Variants in MAN1A1 observed in about 807,000 individuals in gnomAD.
MAN1A1 encodes mannosidase alpha class 1A member 1, also known as mannosyl-oligosaccharide 1,2-alpha-mannosidase IA.
Under a neutral mutation model 70.8 loss-of-function variants are expected in MAN1A1, and 29 were observed. The ratio of observed to expected loss-of-function variants is 0.41; its 90% CI spans 0.31 to 0.56. The LOEUF is 0.56. Among genes scored for constraint, MAN1A1 ranks in the 20% least tolerant of loss-of-function variants. The pLI is 0.29. For missense variants in MAN1A1, 747 were observed against 841.3 expected (o/e 0.89, Z 1.39); for synonymous variants, 349 against 330.1 (o/e 1.06, Z -0.62).
chr6:119,277,332 A>G (rs1227788976), intron 5 of MAN1A1, among the ~76,000 whole-genome samples: 1 of 152,224 alleles, frequency 6.6e-6, no homozygotes, highest in Non-Finnish European at 1.5e-5. Context: ...AATGTTTTAA[A>G]GAAAAAAACT....
At chr6:119,309,731 A>G (rs1772649611) in intron 2 of MAN1A1, among the ~76,000 whole-genome samples, 1 of 152,242 alleles carries the variant, frequency 6.6e-6, no homozygotes, top group African/African-American at 2.4e-5. Context: ...TAGAGCTGAC[A>G]CGCTGTGTGA....
At chr6:119,184,212 T>C (rs768029932) in intron 11 of MAN1A1, among the ~76,000 whole-genome samples, 8 of 152,128 alleles carry the variant, frequency 5.3e-5, no homozygotes, top group South Asian at 2.1e-4. Flanking sequence ...CATTGTACTA[T>C]AATCTGTTCT....
At chr6:119,314,679 A>C (rs1772803805) in intron 2 of MAN1A1, among the ~76,000 whole-genome samples, 1 of 152,094 alleles carries the variant, frequency 6.6e-6, no homozygotes, top group African/African-American at 2.4e-5. Flanking sequence ...CATGCACAGA[A>C]GGCAGCTCTA....
At chr6:119,319,365 T>A (rs1582800105) in intron 2 of MAN1A1, among the ~76,000 whole-genome samples, 1 of 109,992 alleles carries the variant, frequency 9.1e-6, no homozygotes, top group Admixed American at 8.6e-5. Flanking sequence ...GTAAAAATAA[T>A]AATAATAATA....
At chr6:119,201,087 G>T (rs3822996) in intron 8 of MAN1A1, among the ~76,000 whole-genome samples, 167 bp downstream of exon 8, 132,265 of 152,232 alleles carry the variant, frequency 0.87, 57,775 homozygotes, top group South Asian at 0.89. Flanking sequence ...ACAATCCAGT[G>T]TCCTAATAAC....
chr6:119,326,298 G>A (rs1184100866), intron 2 of MAN1A1, among the ~76,000 whole-genome samples: 11 of 152,176 alleles, frequency 7.2e-5, no homozygotes, highest in East Asian at 1.9e-4. Context: ...CTCACTGTCC[G>A]TCTGCAAAGA....
At chr6:119,321,747 A>G (rs973256396) in intron 2 of MAN1A1, among the ~76,000 whole-genome samples, 5 of 151,530 alleles carry the variant, frequency 3.3e-5, no homozygotes, top group African/African-American at 1.2e-4. Flanking sequence ...CCTCCCAAGT[A>G]GGTGGGACTA....
At chr6:119,242,440 A>C (rs1448807591) in intron 6 of MAN1A1, among the ~76,000 whole-genome samples, 2 of 152,136 alleles carry the variant, frequency 1.3e-5, no homozygotes, top group Admixed American at 1.3e-4. Flanking sequence ...TGGTTCCATC[A>C]TCTCTTTTCT....
At chr6:119,197,574 T>C (rs533565499) in intron 8 of MAN1A1, among the ~76,000 whole-genome samples, 1 of 152,206 alleles carries the variant, frequency 6.6e-6, no homozygotes, top group Admixed American at 6.5e-5. Context: ...TGGATGCTAA[T>C]AAATCCCAAC....
chr6:119,326,653 G>A lies in MAN1A1; in HGVS notation c.604-19661C>T, dbSNP rs540918533. Among the ~76,000 whole-genome samples the A allele has an allele frequency of 7.9e-4, 121 of 152,326 alleles. 1 individual carries two copies. The Middle Eastern group carries it at 0.024, about 30-fold the overall frequency. On this transcript the variant is annotated intron_variant, in intron 2 of 12. Transcript: ENST00000368468. ...TTCAGCATGGCTGGGGAGGCCACAG[G>A]AAACTTACAATCATGGTGGAAGGTG...
intron 6 of MAN1A1, among the ~76,000 whole-genome samples, chr6:119,217,485 T>C (rs990311211): frequency 1.3e-5 from 2 of 152,178 alleles, no homozygotes; most frequent in Non-Finnish European, 2.9e-5. Flanking sequence ...TTTCACCATG[T>C]TGGCCAGGAT....
At chr6:119,300,435 T>C (rs904210780) in intron 4 of MAN1A1, among the ~76,000 whole-genome samples, 8 of 151,960 alleles carry the variant, frequency 5.3e-5, no homozygotes, top group Non-Finnish European at 1.2e-4. Context: ...TTTGTATTTT[T>C]AGTAGAGACG....
chr6:119,310,357 T>C lies in MAN1A1; in HGVS notation c.604-3365A>G, dbSNP rs1772667863. Among the ~76,000 whole-genome samples, 3 of 152,238 alleles carry C rather than the reference T, an allele frequency of 2.0e-5. No homozygotes were observed. In the South Asian group the frequency reaches 6.2e-4, roughly 32 times the overall value. On this transcript the variant is annotated intron_variant, in intron 2 of 12. Coordinates refer to ENST00000368468, the MANE Select transcript of MAN1A1 (RefSeq NM_005907.4). Reference sequence around the variant, plus strand: ...TTTTCCAGACAGATCTCAGGAAAACTTTGGGCTTTCATTGCCCTATTTCAC... The same window carrying C: ...TTTTCCAGACAGATCTCAGGAAAACCTTGGGCTTTCATTGCCCTATTTCAC...
At chr6:119,286,340 T>C (rs1776373739) in intron 5 of MAN1A1, among the ~76,000 whole-genome samples, 1 of 152,168 alleles carries the variant, frequency 6.6e-6, no homozygotes, top group African/African-American at 2.4e-5. Context: ...AACCCTATTA[T>C]GAAAAAACAA....
intron 5 of MAN1A1, among the ~76,000 whole-genome samples, chr6:119,250,154 C>T (rs1350166358): frequency 1.3e-5 from 2 of 152,194 alleles, no homozygotes; most frequent in Non-Finnish European, 2.9e-5. Context: ...TTCATGTTGT[C>T]TTCTGCTACA....
chr6:119,336,070 TTTA>T (rs1262959452), intron 2 of MAN1A1, among the ~76,000 whole-genome samples: 2 of 152,092 alleles, frequency 1.3e-5, no homozygotes, highest in Admixed American at 1.3e-4. Flanking sequence ...TCAAAATTTT[TTTA>T]TTATTATTTT....
At chr6:119,327,288 C>A (rs1360258454) in intron 2 of MAN1A1, 1 of 151,178 alleles carries the variant, frequency 6.6e-6, no homozygotes, top group Non-Finnish European at 1.5e-5. Flanking sequence ...TCAGTTCTTG[C>A]TTTGTCAACA....
At chr6:119,322,807 C>G (rs879481740) in intron 2 of MAN1A1, among the ~76,000 whole-genome samples, 3 of 152,140 alleles carry the variant, frequency 2.0e-5, no homozygotes, top group Non-Finnish European at 4.4e-5. Flanking sequence ...AAGTAGCAAA[C>G]CAAGCTGTGG....
intron 5 of MAN1A1, among the ~76,000 whole-genome samples, chr6:119,277,752 C>A (rs935916792): frequency 6.6e-6 from 1 of 151,402 alleles, no homozygotes; most frequent in African/African-American, 2.4e-5. Context: ...CTGGTTAACA[C>A]GGGGAAAACC....
Sources: gnomAD v4.1 joint callset for allele counts (sites outside exome capture counted in the v4.1 genomes callset) on GRCh38, gnomAD v4.1.1 for gene constraint, MANE v1.5 for transcripts, NCBI Gene and HGNC (gene_info 2026-07-23, HGNC 2026-07-21) for gene names.